The following DSC1 variants were observed in gnomAD, a reference collection of about 807,000 sequenced individuals.
DSC1 encodes desmocollin-1.
Under a neutral mutation model 98.8 loss-of-function variants are expected in DSC1, and 79 were observed. That is an observed-to-expected ratio of 0.80 (90% CI 0.67 to 0.96). The LOEUF (loss-of-function observed/expected upper bound fraction) is 0.96. Among genes scored for constraint, DSC1 ranks in the 50% least tolerant of loss-of-function variants. The pLI, the probability that DSC1 is intolerant of heterozygous loss-of-function variation, is 0.00. For synonymous variants in DSC1, 405 were observed against 372.1 expected, an observed-to-expected ratio of 1.09 and a Z score of -1.02; for missense variants, 1,115 against 1,075.9, an observed-to-expected ratio of 1.04 and a Z score of -0.51.
At chr18:31,141,585 CAT>C (rs1449577959) in intron 9 of DSC1, among the ~76,000 whole-genome samples, 6 of 152,108 alleles carry the variant, frequency 3.9e-5, no homozygotes, top group Admixed American at 2.6e-4. Flanking sequence ...CAGAATACAT[CAT>C]AGAGAGGTAA....
chr18:31,152,057 G>A (rs1427808611), intron 5 of DSC1, among the ~76,000 whole-genome samples: 1 of 152,092 alleles, frequency 6.6e-6, no homozygotes, highest in Non-Finnish European at 1.5e-5. Context: ...AGCTACTCGG[G>A]AGGTTGAGGC....
chr18:31,140,398 T>A, intron 9 of DSC1, 97 bp from the exon 10 acceptor site: 2 of 1,300,196 alleles, frequency 1.5e-6, no homozygotes, highest in South Asian at 1.6e-5. Flanking sequence ...TTTTTACATT[T>A]AAAATGTAAC....
At chr18:31,133,751 C>T (rs1988544450) in intron 13 of DSC1, 140 bp downstream of exon 13, 4 of 851,508 alleles carry the variant, frequency 4.7e-6, no homozygotes, top group Admixed American at 6.0e-5. Context: ...CACTCAGAGC[C>T]CCAAGACATA....
At chr18:31,150,422 CTACCACTATT>C (rs1480859166) in intron 5 of DSC1, among the ~76,000 whole-genome samples, 22 of 91,836 alleles carry the variant, frequency 2.4e-4, no homozygotes, top group Middle Eastern at 6.0e-3. Flanking sequence ...ATCATCACTG[CTACCACTATT>C]ACCATCACCA....
At chr18:31,155,736 T>C (rs1989084777) in intron 4 of DSC1, among the ~76,000 whole-genome samples, 1 of 152,242 alleles carries the variant, frequency 6.6e-6, no homozygotes, top group Non-Finnish European at 1.5e-5. Flanking sequence ...GCAAAACATG[T>C]AGGTGTGCCT....
At chr18:31,156,192 G>A in intron 3 of DSC1, 30 bp from the exon 4 acceptor site, 2 of 1,594,416 alleles carry the variant, frequency 1.3e-6, no homozygotes, top group Non-Finnish European at 1.7e-6. Flanking sequence ...AAGAAATGTA[G>A]CATTGCTTAT....
intron 7 of DSC1, among the ~76,000 whole-genome samples, chr18:31,144,709 G>A (rs991325498): frequency 1.3e-5 from 2 of 152,098 alleles, no homozygotes; most frequent in Admixed American, 6.6e-5. Flanking sequence ...TGATGAATGT[G>A]TGTCTTTACA....
intron 5 of DSC1, among the ~76,000 whole-genome samples, chr18:31,151,331 G>A (rs1988996837): frequency 6.6e-6 from 1 of 152,108 alleles, no homozygotes; most frequent in African/African-American, 2.4e-5. Context: ...CATTAAAACA[G>A]AGCCTAACTC....
Position 31,145,650 on chromosome 18 carries a change from G to A in DSC1, c.900C>T (p.Thr300=), listed in dbSNP as rs371322023. 13 of 1,614,038 alleles carry A rather than the reference G, an allele frequency of 8.1e-6. No homozygotes were observed. Among genetic ancestry groups the A allele is most frequent in the African/African-American group, 2.7e-5 (2 of 75,014 alleles). The change falls in exon 7 of 16, where the codon ACC becomes ACT. Residue 300 remains threonine, a synonymous_variant. Coordinates refer to ENST00000257198, the MANE Select transcript of DSC1 (RefSeq NM_024421.2). ...HPKHFSIHPD[T]GVITTTTPFL... is the part of the protein sequence containing the mutation. ...AAGGTGTAGTTGTGGTGATGACACC[G>A]GTATCTGGGTGTATGGAGAAATGCT...
chr18:31,149,446 A>C lies in DSC1; in HGVS notation c.628-804T>G, dbSNP rs139251293. On this transcript the variant is annotated intron_variant, in intron 5 of 15. Coordinates refer to ENST00000257198, the MANE Select transcript of DSC1 (RefSeq NM_024421.2). ...ATCAAACTCCTCCCTCTCTCTCATA[A>C]GCCTTAGTAGTCAGTTGCCAAGTTC... 5.8e-4 allele frequency among the ~76,000 whole-genome samples: 88 copies of C among 152,228 alleles called. No homozygotes were observed. In the East Asian group the frequency reaches 0.011, roughly 20 times the overall value.
intron 15 of DSC1, 143 bp downstream of exon 15, chr18:31,131,451 A>G: frequency 8.9e-7 from 1 of 1,129,296 alleles, no homozygotes; most frequent in Non-Finnish European, 1.2e-6. Flanking sequence ...TTGGGTTTAA[A>G]CCAGACATCC....
chr18:31,130,342 A>T lies in DSC1; in HGVS notation c.*172T>A, dbSNP rs2144908598. The T allele has an allele frequency of 1.5e-6, 1 of 688,806 alleles. No homozygotes were observed. The highest frequency in any genetic ancestry group is 2.0e-5 in the South Asian group (1 of 50,242). 42.7% of individuals were successfully genotyped at this position (688,806 alleles called of 1,614,324 possible). On this transcript the variant is annotated 3_prime_UTR_variant, in exon 16 of 16. Coordinates refer to ENST00000257198, the MANE Select transcript of DSC1 (RefSeq NM_024421.2). Reference sequence around the variant, plus strand: ...AAACCTTGATTTCTAGAGAACATGGAAGTTATACCAGACAAGGAGAATGTA... The same window carrying T: ...AAACCTTGATTTCTAGAGAACATGGTAGTTATACCAGACAAGGAGAATGTA...
At chr18:31,130,961 A>G (rs1037920481) in intron 15 of DSC1, 1 of 888,142 alleles carries the variant, frequency 1.1e-6, no homozygotes, top group African/African-American at 1.7e-5. Flanking sequence ...CACGCAACAC[A>G]TTTATAATTT....
At chr18:31,131,255 T>C (rs1988481542) in intron 15 of DSC1, among the ~76,000 whole-genome samples, 1 of 152,194 alleles carries the variant, frequency 6.6e-6, no homozygotes, top group African/African-American at 2.4e-5. Context: ...CTGAGAAATG[T>C]TTATAATTTA....
At chr18:31,143,934 T>A in intron 7 of DSC1, 143 bp from the exon 8 acceptor site, 1 of 592,026 alleles carries the variant, frequency 1.7e-6, no homozygotes, top group Non-Finnish European at 2.5e-6. Flanking sequence ...TTATTTGAGA[T>A]GGGGTCTCAC....
intron 15 of DSC1, 200 bp from the exon 16 acceptor site, chr18:31,130,911 T>C: frequency 7.2e-7 from 1 of 1,394,724 alleles, no homozygotes; most frequent in Non-Finnish European, 9.8e-7. Flanking sequence ...AATAAATGCT[T>C]CTAGTGAGCA....
chr18:31,156,338 TC>T (rs911616960), intron 3 of DSC1, among the ~76,000 whole-genome samples, 176 bp from the exon 4 acceptor site: 3 of 152,232 alleles, frequency 2.0e-5, no homozygotes, highest in Admixed American at 6.5e-5. Flanking sequence ...TACATTATGT[TC>T]CCCCGTTCTA....
chr18:31,131,138 G>A (rs1988478832), intron 15 of DSC1, among the ~76,000 whole-genome samples: 1 of 152,050 alleles, frequency 6.6e-6, no homozygotes, highest in African/African-American at 2.4e-5. Flanking sequence ...TGATTAATCT[G>A]AACATAAAAC....
intron 1 of DSC1, among the ~76,000 whole-genome samples, chr18:31,161,726 A>G (rs1375436364): frequency 2.0e-5 from 3 of 152,224 alleles, no homozygotes; most frequent in Non-Finnish European, 4.4e-5. Context: ...TTAAGATGGT[A>G]TCTGAGTTAT....
Sources: allele counts gnomAD v4.1 joint callset (sites outside exome capture counted in the v4.1 genomes callset), GRCh38; gene constraint gnomAD v4.1.1; transcripts MANE v1.5; gene names NCBI Gene and HGNC (gene_info 2026-07-23, HGNC 2026-07-21).